The following NBEA variants were observed in gnomAD, a reference collection of about 807,000 sequenced individuals.
The protein encoded by NBEA is neurobeachin, also known as lysosomal-trafficking regulator 2.
A neutral mutation model predicts 343.4 loss-of-function variants in NBEA; 44 were observed. That is an observed-to-expected ratio of 0.13 (90% CI 0.10 to 0.16). The LOEUF (loss-of-function observed/expected upper bound fraction) is 0.16, where lower values mean the gene tolerates loss of function less well. NBEA is among the 10% of genes least tolerant of loss of function. The pLI is 1.00. For synonymous variants in NBEA, 1,175 were observed against 1,238.7 expected, an observed-to-expected ratio of 0.95 and a Z score of 1.08; for missense variants, 2,555 against 3,631.3, an observed-to-expected ratio of 0.70 and a Z score of 7.62.
At chr13:35,395,652 T>C (rs1244822359) in intron 38 of NBEA, among the ~76,000 whole-genome samples, 1 of 152,126 alleles carries the variant, frequency 6.6e-6, no homozygotes, top group Non-Finnish European at 1.5e-5. Context: ...AAATTTAAAT[T>C]AGGTCAACAT....
At chr13:35,595,145 G>A (rs956481380) in intron 47 of NBEA, among the ~76,000 whole-genome samples, 4 of 151,860 alleles carry the variant, frequency 2.6e-5, no homozygotes, top group Admixed American at 6.6e-5. Context: ...GCCCTGTACC[G>A]GGCTTTTTCC....
At chr13:35,140,615 C>T (rs946879370) in intron 17 of NBEA, among the ~76,000 whole-genome samples, 2 of 152,050 alleles carry the variant, frequency 1.3e-5, no homozygotes, top group Non-Finnish European at 1.5e-5. Context: ...GGTCATTTTG[C>T]TTTTTCCTTC....
intron 1 of NBEA, among the ~76,000 whole-genome samples, chr13:34,964,475 T>A (rs1365230570): frequency 6.6e-6 from 1 of 152,036 alleles, no homozygotes; most frequent in Non-Finnish European, 1.5e-5. Context: ...CTACACTTAT[T>A]TTCTGGAATT....
intron 1 of NBEA, among the ~76,000 whole-genome samples, chr13:34,989,008 T>A (rs976257130): frequency 6.0e-5 from 9 of 150,914 alleles, no homozygotes; most frequent in African/African-American, 2.2e-4. Flanking sequence ...GTCCCATTTG[T>A]TTTTTCTTCC....
chr13:35,055,485 A>G (rs2063220872), intron 6 of NBEA, among the ~76,000 whole-genome samples: 1 of 152,180 alleles, frequency 6.6e-6, no homozygotes, highest in Non-Finnish European at 1.5e-5. Context: ...TATAAATGCT[A>G]AAATGTTGTT....
chr13:35,475,043 T>C (rs1393607061), intron 41 of NBEA: 1 of 1,603,480 alleles, frequency 6.2e-7, no homozygotes, highest in Non-Finnish European at 8.5e-7. Context: ...ATTTCGGCTC[T>C]TGATTAAATC....
intron 1 of NBEA, among the ~76,000 whole-genome samples, chr13:34,979,131 A>T (rs1229325482): frequency 6.6e-6 from 1 of 152,188 alleles, no homozygotes; most frequent in East Asian, 1.9e-4. Context: ...TCTTTTAGAC[A>T]TTCTGATGGC....
In NBEA at chr13:35,142,307, C is replaced by T. The variant is rs1285826837; in HGVS notation, c.2375C>T (p.Thr792Ile). Residue 792 changes from threonine (T) to isoleucine (I), a missense_variant, in exon 18 of 59, where the codon ACT becomes ATT. By Grantham distance (89) the Thr-to-Ile change is moderately conservative (BLOSUM62 -1). Coordinates refer to ENST00000379939, the MANE Select transcript of NBEA (RefSeq NM_001385012.1). Reference protein sequence around the residue: ...VEIMHTHSLFTLLGERLMLHT... With the variant: ...VEIMHTHSLFILLGERLMLHT... ...ATTATGCACACCCATAGTCTTTTCACTCTTCTTGGAGAAAGGCTGATGTTG... is the reference window on the plus strand; with the variant it reads ...ATTATGCACACCCATAGTCTTTTCATTCTTCTTGGAGAAAGGCTGATGTTG... The T allele has an allele frequency of 1.2e-6, 2 of 1,613,204 alleles. No homozygotes were observed. Among genetic ancestry groups the T allele is most frequent in the African/African-American group, 2.7e-5 (2 of 74,894 alleles).
At chr13:35,246,980 G>A (rs2031298526) in intron 34 of NBEA, among the ~76,000 whole-genome samples, 1 of 152,088 alleles carries the variant, frequency 6.6e-6, no homozygotes, top group South Asian at 2.1e-4. Context: ...TGCAATGGGG[G>A]TGTGTGGTTC....
intron 34 of NBEA, among the ~76,000 whole-genome samples, chr13:35,246,014 G>A (rs1192520141): frequency 6.6e-6 from 1 of 151,730 alleles, no homozygotes; most frequent in African/African-American, 2.4e-5. Flanking sequence ...TGCTGGTTTG[G>A]GTTATTTCAA....
chr13:35,142,494 A>ATTTTC, intron 18 of NBEA, 117 bp downstream of exon 18: 4 of 534,344 alleles, frequency 7.5e-6, no homozygotes, highest in Non-Finnish European at 9.6e-6. Context: ...AAACCAGAAA[A>ATTTTC]TGGTTTAATG....
At chr13:35,139,951 A>T (rs2067996773) in intron 17 of NBEA, among the ~76,000 whole-genome samples, 1 of 151,846 alleles carries the variant, frequency 6.6e-6, no homozygotes, top group African/African-American at 2.4e-5. Context: ...GAGGGCATGG[A>T]TTTCTTCGGT....
intron 34 of NBEA, among the ~76,000 whole-genome samples, chr13:35,238,238 G>A (rs969604287): frequency 3.3e-5 from 5 of 152,282 alleles, no homozygotes; most frequent in African/African-American, 1.2e-4. Context: ...AATATTCAGA[G>A]TAACTTAGTT....
intron 11 of NBEA, among the ~76,000 whole-genome samples, chr13:35,103,732 A>C (rs1359654991): frequency 6.6e-6 from 1 of 151,848 alleles, no homozygotes; most frequent in Non-Finnish European, 1.5e-5. Context: ...ACTATTCAAC[A>C]AGTAGTTGAA....
At chr13:35,471,275 C>A (rs2075635270) in intron 40 of NBEA, among the ~76,000 whole-genome samples, 1 of 152,136 alleles carries the variant, frequency 6.6e-6, no homozygotes, top group Non-Finnish European at 1.5e-5. Context: ...CCGAGCCCGG[C>A]CCGGCGGGGG....
At position 35,222,071 on chromosome 13, in the gene NBEA, T is replaced by A. The variant is rs571250868; in HGVS notation, c.5649-10421T>A. 2.6e-5 allele frequency among the ~76,000 whole-genome samples: 4 copies of A among 152,276 alleles called. No homozygotes were observed. In the South Asian group the frequency reaches 8.3e-4, roughly 32 times the overall value. ...TACTAAAGGTAGAAATCCACATTAT[T>A]TTTATATAGTTATTGTGTTTATGAT... is the stretch of plus-strand genomic sequence containing the variant. On this transcript the variant is annotated intron_variant, in intron 33 of 58. Coordinates refer to ENST00000379939, the MANE Select transcript of NBEA (RefSeq NM_001385012.1).
chr13:35,336,240 A>C (rs1389276625), intron 36 of NBEA, among the ~76,000 whole-genome samples: 2 of 152,142 alleles, frequency 1.3e-5, no homozygotes, highest in Non-Finnish European at 2.9e-5. Flanking sequence ...AAGAATTGCC[A>C]TATTATAATA....
chr13:35,161,172 T>C (rs2069531561), intron 22 of NBEA, among the ~76,000 whole-genome samples: 1 of 151,870 alleles, frequency 6.6e-6, no homozygotes, highest in Non-Finnish European at 1.5e-5. Flanking sequence ...TCGTGCGTTG[T>C]TTATTGAACA....
At chr13:35,166,725 T>C (rs181056516) in intron 24 of NBEA, among the ~76,000 whole-genome samples, 31 of 152,238 alleles carry the variant, frequency 2.0e-4, no homozygotes, top group Admixed American at 1.2e-3. Flanking sequence ...ATTATGAATG[T>C]TGTTTTTGTA....
Sources: allele counts gnomAD v4.1 joint callset (sites outside exome capture counted in the v4.1 genomes callset), GRCh38; gene constraint gnomAD v4.1.1; transcripts MANE v1.5; gene names NCBI Gene and HGNC (gene_info 2026-07-23, HGNC 2026-07-21).